The following CMSS1 variants were observed in gnomAD, a reference collection of about 807,000 sequenced individuals.
The protein encoded by CMSS1 is cms1 ribosomal small subunit homolog.
A neutral mutation model predicts 43.5 loss-of-function variants in CMSS1; 33 were observed. The ratio of observed to expected loss-of-function variants is 0.76; its 90% CI spans 0.57 to 1.01. The LOEUF (loss-of-function observed/expected upper bound fraction) is 1.01, where lower values mean the gene tolerates loss of function less well. Ranked by LOEUF, CMSS1 falls within the 50% of genes least tolerant of loss-of-function variation. The probability of loss-of-function intolerance (pLI) is 0.00; values close to 1 mark genes in which losing one functional copy is unlikely to be tolerated. For synonymous variants in CMSS1, 115 were observed against 117.2 expected (o/e 0.98, Z 0.12); for missense variants, 313 against 326.4 (o/e 0.96, Z 0.32).
chr3:99,972,397 G>A (rs988443350), intron 1 of CMSS1, among the ~76,000 whole-genome samples: 5 of 152,160 alleles, frequency 3.3e-5, no homozygotes, highest in African/African-American at 4.8e-5. Flanking sequence ...ATCATAAACC[G>A]TGAGAAGCCT....
chr3:100,084,096 T>C (rs1026259733), intron 1 of CMSS1, among the ~76,000 whole-genome samples: 1 of 152,216 alleles, frequency 6.6e-6, no homozygotes, highest in Non-Finnish European at 1.5e-5. Context: ...AGGAGCTCAA[T>C]TTTTAAAATA....
chr3:99,879,905 G>A (rs544828019), intron 1 of CMSS1, among the ~76,000 whole-genome samples: 1 of 152,274 alleles, frequency 6.6e-6, no homozygotes, highest in South Asian at 2.1e-4. Flanking sequence ...TAGTTCCATG[G>A]TCCTGCATTG....
At chr3:100,167,379 C>T (rs1233683440) in intron 5 of CMSS1, among the ~76,000 whole-genome samples, 2 of 152,128 alleles carry the variant, frequency 1.3e-5, no homozygotes, top group Admixed American at 1.3e-4. Flanking sequence ...TGTTGAATGT[C>T]CCTTTAAAAT....
At chr3:99,964,141 C>T (rs1328479584) in intron 1 of CMSS1, among the ~76,000 whole-genome samples, 1 of 151,928 alleles carries the variant, frequency 6.6e-6, no homozygotes, top group African/African-American at 2.4e-5. Flanking sequence ...CTTATATGCT[C>T]AGTAGGAAGT....
At chr3:99,913,288 T>C (rs914009077) in intron 1 of CMSS1, among the ~76,000 whole-genome samples, 3 of 152,242 alleles carry the variant, frequency 2.0e-5, no homozygotes, top group Admixed American at 1.3e-4. Flanking sequence ...TGACAGACTA[T>C]TTTCCAATGC....
rs529757761 is a variant in CMSS1, at chr3:99,948,335, T to TG, written c.64+130292_64+130293insG. On this transcript the variant is annotated intron_variant, in intron 1 of 9. Coordinates refer to ENST00000421999, the MANE Select transcript of CMSS1 (RefSeq NM_032359.4). Reference sequence around the variant, plus strand: ...TAGTGAGACTGTCTCTCCAAAAAAATAAAAAAATTAAAAAATTTTTTAAAA... The same window carrying TG: ...TAGTGAGACTGTCTCTCCAAAAAAATGAAAAAAATTAAAAAATTTTTTAAAA... 5.8e-3 allele frequency among the ~76,000 whole-genome samples: 878 copies of TG among 151,256 alleles called. 6 individuals carry two copies. Among genetic ancestry groups the TG allele is most frequent in the Non-Finnish European group, 9.9e-3 (671 of 67,768 alleles).
intron 1 of CMSS1, among the ~76,000 whole-genome samples, chr3:100,120,428 A>G (rs149933719): frequency 0.013 from 1,926 of 152,314 alleles, 25 homozygotes; most frequent in African/African-American, 0.029. Context: ...TGGCTAAAAG[A>G]TTCCTTTTGC....
chr3:99,990,492 T>C (rs1709480079), intron 1 of CMSS1, among the ~76,000 whole-genome samples: 1 of 152,200 alleles, frequency 6.6e-6, no homozygotes. Context: ...CAACTTAAAG[T>C]CAAACTAACA....
At chr3:100,063,294 A>T (rs2107350372) in intron 1 of CMSS1, among the ~76,000 whole-genome samples, 1 of 152,304 alleles carries the variant, frequency 6.6e-6, no homozygotes, top group South Asian at 2.1e-4. Flanking sequence ...TAAAATTTTA[A>T]CAGAAAATTT....
chr3:99,939,858 C>G (rs9872871), intron 1 of CMSS1, among the ~76,000 whole-genome samples: 111,784 of 152,114 alleles, frequency 0.73, 41,781 homozygotes, highest in African/African-American at 0.88. Context: ...CAGTGGACCA[C>G]AGATAAAAAG....
chr3:99,889,425 T>C (rs1706013663), intron 1 of CMSS1, among the ~76,000 whole-genome samples: 1 of 152,122 alleles, frequency 6.6e-6, no homozygotes, highest in South Asian at 2.1e-4. Flanking sequence ...ACTAATGTCT[T>C]TTCTGACCTT....
Position 100,126,608 on chromosome 3 carries a change from T to C in CMSS1, c.65-20365T>C, listed in dbSNP as rs370288817. 3.6e-3 allele frequency among the ~76,000 whole-genome samples: 542 copies of C among 152,306 alleles called. 2 individuals carry two copies. The highest frequency in any genetic ancestry group is 0.012 in the African/African-American group (516 of 41,566). The stretch of plus-strand genomic sequence containing the variant: ...CATATTCACTCCCACTTTTAATTTA[T>C]ATAGTCTTTTTTTGTAACCTTGTAA... On this transcript the variant is annotated intron_variant, in intron 1 of 9. Coordinates refer to ENST00000421999, the MANE Select transcript of CMSS1 (RefSeq NM_032359.4).
At chr3:100,110,407 G>A (rs926756357) in intron 1 of CMSS1, among the ~76,000 whole-genome samples, 21 of 151,970 alleles carry the variant, frequency 1.4e-4, no homozygotes, top group African/African-American at 3.4e-4. Context: ...GCTTTATCCC[G>A]TTTGCTATCC....
intron 1 of CMSS1, among the ~76,000 whole-genome samples, chr3:99,870,552 G>A (rs1944736650): frequency 1.3e-5 from 2 of 152,198 alleles, no homozygotes; most frequent in African/African-American, 4.8e-5. Context: ...TGTGGTACCA[G>A]TCCATGCTAG....
intron 1 of CMSS1, among the ~76,000 whole-genome samples, chr3:100,138,760 C>T (rs920979513): frequency 4.6e-5 from 7 of 152,294 alleles, no homozygotes; most frequent in African/African-American, 1.7e-4. Flanking sequence ...ATTGATAGTT[C>T]AGCCATTCTT....
At chr3:99,939,135 C>G (rs919779899) in intron 1 of CMSS1, among the ~76,000 whole-genome samples, 2 of 152,158 alleles carry the variant, frequency 1.3e-5, no homozygotes, top group African/African-American at 4.8e-5. Context: ...AAAGTCAAAG[C>G]CACAGAGAGA....
intron 1 of CMSS1, chr3:99,830,371 T>A (rs1182017587): frequency 2.7e-6 from 1 of 372,500 alleles, no homozygotes; most frequent in East Asian, 7.3e-5. Flanking sequence ...GCTTTCCACA[T>A]ATTTCTGTAG....
intron 2 of CMSS1, among the ~76,000 whole-genome samples, chr3:100,155,594 C>T (rs2066964427): frequency 6.6e-6 from 1 of 152,190 alleles, no homozygotes; most frequent in Non-Finnish European, 1.5e-5. Context: ...CTTCAGCACC[C>T]TCCTGGGCTG....
At chr3:99,935,317 T>C (rs1707628469) in intron 1 of CMSS1, among the ~76,000 whole-genome samples, 2 of 152,090 alleles carry the variant, frequency 1.3e-5, no homozygotes, top group South Asian at 2.1e-4. Context: ...AATGATACTT[T>C]ACTCTTCATG....
Sources: allele counts gnomAD v4.1 joint callset (sites outside exome capture counted in the v4.1 genomes callset), GRCh38; gene constraint gnomAD v4.1.1; transcripts MANE v1.5; gene names NCBI Gene and HGNC (gene_info 2026-07-23, HGNC 2026-07-21).